AK7: variants seen among roughly 807,000 people sequenced by gnomAD.
AK7 encodes ATP-AMP transphosphorylase 7.
In AK7, 78 loss-of-function variants were observed where a neutral mutation model predicts 96.6. That is an observed-to-expected ratio of 0.81 (90% CI 0.67 to 0.97). The LOEUF is 0.97. Ranked by LOEUF, AK7 falls within the 50% of genes least tolerant of loss-of-function variation. AK7 has a pLI of 0.00. For synonymous variants in AK7, 302 were observed against 317.2 expected (o/e 0.95, Z 0.51); for missense variants, 855 against 887.9 (o/e 0.96, Z 0.47).
At chr14:96,404,606 C>A in intron 2 of AK7, 151 bp from the exon 3 acceptor site, 1 of 451,644 alleles carries the variant, frequency 2.2e-6, no homozygotes, top group Non-Finnish European at 4.1e-6. Flanking sequence ...AAGAGAGTCA[C>A]AATTTCATTT....
chr14:96,448,851 G>A (rs1332111797), intron 8 of AK7, among the ~76,000 whole-genome samples: 2 of 152,000 alleles, frequency 1.3e-5, no homozygotes, highest in Non-Finnish European at 2.9e-5. Flanking sequence ...AGCTACTCAG[G>A]AGGCTGAGGC....
At chr14:96,478,308 CTATT>C (rs1895298487) in intron 14 of AK7, among the ~76,000 whole-genome samples, 153 bp from the exon 15 acceptor site, 1 of 152,090 alleles carries the variant, frequency 6.6e-6, no homozygotes. Context: ...TGATTTTCAT[CTATT>C]TATCCTCCAT....
chr14:96,423,969 T>G, intron 5 of AK7: 2 of 951,924 alleles, frequency 2.1e-6, no homozygotes, highest in Non-Finnish European at 3.4e-6. Context: ...AATGATGCCA[T>G]TCCCTGTATT....
In AK7 at chr14:96,464,299, G is replaced by A. The variant is rs372098999; in HGVS notation, c.1357+6087G>A. On this transcript the variant is annotated intron_variant, in intron 12 of 17. Transcript: ENST00000267584. ...TGGCCAGGCGCAGTGGCTCACACCA[G>A]CACTTTGAGAGGCCAAGGTGGGAGG... 3.4e-4 allele frequency among the ~76,000 whole-genome samples: 51 copies of A among 152,138 alleles called. 1 individual carries two copies. The East Asian group carries it at 8.3e-3, about 25-fold the overall frequency.
At chr14:96,407,575 C>CTTTTTTTTTTTT (rs1288121196) in intron 3 of AK7, among the ~76,000 whole-genome samples, 1 of 54,732 alleles carries the variant, frequency 1.8e-5, no homozygotes, top group Non-Finnish European at 3.9e-5. Flanking sequence ...TTCTTTCTTT[C>CTTTTTTTTTTTT]TTTTCTTTTT....
chr14:96,446,509 G>T lies in AK7; in HGVS notation c.780-8G>T, dbSNP rs772215761. On this transcript the variant is annotated splice_region_variant and splice_polypyrimidine_tract_variant and intron_variant, in intron 7 of 17. Coordinates refer to ENST00000267584, the MANE Select transcript of AK7 (RefSeq NM_152327.5). ...CCTTTGATGATTATTTTACCTGTGG[G>T]TCTGCAGAGTGATACAAAACGTCAT... The T allele has an allele frequency of 6.2e-7, 1 of 1,613,064 alleles. No individual in the cohort carries two copies. Among genetic ancestry groups the T allele is most frequent in the African/African-American group, 1.3e-5 (1 of 74,884 alleles).
chr14:96,477,978 A>G lies in AK7; in HGVS notation c.1556-487A>G, dbSNP rs189880484. Among the ~76,000 whole-genome samples, 5 of 152,340 alleles carry G rather than the reference A, an allele frequency of 3.3e-5. No homozygotes were observed. The East Asian group carries it at 9.6e-4, about 29-fold the overall frequency. ...GGATTGCTTAAGGCAAGAATTTGAGATCAGCCCGCACATAGTAAGACCTTG... is the reference window on the plus strand; with the variant it reads ...GGATTGCTTAAGGCAAGAATTTGAGGTCAGCCCGCACATAGTAAGACCTTG... On this transcript the variant is annotated intron_variant, in intron 14 of 17. Coordinates refer to ENST00000267584, the MANE Select transcript of AK7 (RefSeq NM_152327.5).
chr14:96,418,945 A>G (rs564742218), intron 4 of AK7, among the ~76,000 whole-genome samples: 1 of 152,370 alleles, frequency 6.6e-6, no homozygotes, highest in East Asian at 1.9e-4. Context: ...TCCATACTGA[A>G]CACCATATTT....
chr14:96,463,719 C>CA (rs35376666), intron 12 of AK7, among the ~76,000 whole-genome samples: 8,773 of 83,606 alleles, frequency 0.1, 454 homozygotes, highest in East Asian at 0.13. Context: ...TACTCTGTCT[C>CA]AAAAAAAAAA....
intron 1 of AK7, among the ~76,000 whole-genome samples, chr14:96,392,608 A>G (rs1889817947): frequency 6.6e-6 from 1 of 152,164 alleles, no homozygotes; most frequent in Non-Finnish European, 1.5e-5. Context: ...GCCCCCTCCT[A>G]GGTTCTCTTT....
intron 4 of AK7, among the ~76,000 whole-genome samples, chr14:96,413,120 G>A (rs530503119): frequency 6.6e-6 from 1 of 152,308 alleles, no homozygotes; most frequent in African/African-American, 2.4e-5. Flanking sequence ...TCTTGGGCCA[G>A]TGAAAACTGG....
At chr14:96,446,680 C>T (rs1893252663) in intron 8 of AK7, 73 bp downstream of exon 8, 2 of 1,364,870 alleles carry the variant, frequency 1.5e-6, no homozygotes, top group Non-Finnish European at 2.1e-6. Flanking sequence ...GTGGCTCATG[C>T]CTGTAATCCT....
chr14:96,469,862 G>A (rs961464254), intron 12 of AK7, among the ~76,000 whole-genome samples: 1 of 152,076 alleles, frequency 6.6e-6, no homozygotes, highest in Admixed American at 6.5e-5. Context: ...TTGTTGCCCA[G>A]GCTAGAGTGC....
intron 5 of AK7, among the ~76,000 whole-genome samples, chr14:96,432,717 G>T (rs1228387842): frequency 6.6e-6 from 1 of 151,870 alleles, no homozygotes; most frequent in East Asian, 1.9e-4. Context: ...AGGCGCGGTG[G>T]CTCATGCCTG....
intron 3 of AK7, among the ~76,000 whole-genome samples, chr14:96,406,521 T>C (rs1376956450): frequency 2.0e-5 from 3 of 151,976 alleles, no homozygotes; most frequent in African/African-American, 7.3e-5. Context: ...AGATATAGAG[T>C]GTTTGTGTCT....
At chr14:96,459,390 G>A (rs1278642135) in intron 12 of AK7, among the ~76,000 whole-genome samples, 1 of 152,046 alleles carries the variant, frequency 6.6e-6, no homozygotes. Flanking sequence ...TGGAACCCAG[G>A]AGGCAGAGGT....
In AK7 at chr14:96,456,267, C is replaced by A. The variant is rs1202983597; in HGVS notation, c.1099-80C>A. 9.4e-6 allele frequency: 12 copies of A among 1,271,264 alleles called. No individual in the cohort carries two copies. In the East Asian group the frequency reaches 1.5e-4, roughly 16 times the overall value. The allele number at this position is 1,271,264 out of a possible 1,614,324, so 78.7% of individuals were successfully genotyped here. A position where few individuals can be genotyped will look rare whatever the true frequency, so the allele number is the denominator to read the frequency against. On this transcript the variant is annotated intron_variant, in intron 10 of 17. Coordinates refer to ENST00000267584, the MANE Select transcript of AK7 (RefSeq NM_152327.5). The stretch of plus-strand genomic sequence containing the variant: ...AAAAAAAAAAAAAAAAAAAAGCACT[C>A]CCCTGAAATAAAAAACCACTCTGTC...
intron 4 of AK7, among the ~76,000 whole-genome samples, chr14:96,419,406 G>T (rs1412492739): frequency 6.6e-6 from 1 of 152,202 alleles, no homozygotes. Flanking sequence ...AAGGAGGGGG[G>T]ATTGCTTAAA....
chr14:96,486,700 T>A (rs932986807), intron 16 of AK7, among the ~76,000 whole-genome samples, 198 bp from the exon 17 acceptor site: 1 of 151,802 alleles, frequency 6.6e-6, no homozygotes, highest in African/African-American at 2.4e-5. Flanking sequence ...GTGTAAGAAG[T>A]GATCCAATTT....
Sources: allele counts gnomAD v4.1 joint callset (sites outside exome capture counted in the v4.1 genomes callset), GRCh38; gene constraint gnomAD v4.1.1; transcripts MANE v1.5; gene names NCBI Gene and HGNC (gene_info 2026-07-23, HGNC 2026-07-21).